The following LAMA5 variants were observed in gnomAD, a reference collection of about 807,000 sequenced individuals.
LAMA5 encodes laminin subunit alpha-5.
In LAMA5, 260 loss-of-function variants were observed where a neutral mutation model predicts 433.4. The observed-to-expected ratio is 0.60, with a 90% CI of 0.54 to 0.66. LAMA5 has a LOEUF of 0.66. LAMA5 is among the 30% of genes least tolerant of loss of function. The pLI is 0.00. For synonymous variants in LAMA5, 2,620 were observed against 2,226.6 expected (o/e 1.18, Z -4.97); for missense variants, 5,378 against 5,258.5 (o/e 1.02, Z -0.70).
intron 9 of LAMA5, 123 bp downstream of exon 9, chr20:62,346,383 C>T: frequency 2.9e-6 from 4 of 1,357,708 alleles, no homozygotes; most frequent in Non-Finnish European, 4.0e-6. Flanking sequence ...GCCTGGGAGG[C>T]TCCTTCCTGG....
chr20:62,324,916 C>T lies in LAMA5; in HGVS notation c.5530-362G>A. ...TCCTCATACAGAAGGAGCAAAGTTA[C>T]AGCAGACAGACAGATTAGCAGGGCA... On this transcript the variant is annotated intron_variant, in intron 41 of 79. Coordinates refer to ENST00000252999, the MANE Select transcript of LAMA5 (RefSeq NM_005560.6). The surrounding 1 kb of genome is among the most constrained non-coding windows in gnomAD (Gnocchi z 4.4). The T allele has an allele frequency of 2.6e-6, 1 of 381,198 alleles. No homozygotes were observed. The highest frequency in any genetic ancestry group is 4.9e-6 in the Non-Finnish European group (1 of 205,246). The allele number at this position is 381,198 out of a possible 1,614,324, so 23.6% of individuals were successfully genotyped here. A position where few individuals can be genotyped will look rare whatever the true frequency, so the allele number is the denominator to read the frequency against.
intron 1 of LAMA5, among the ~76,000 whole-genome samples, chr20:62,364,626 A>G (rs569752432): frequency 6.6e-6 from 1 of 152,286 alleles, no homozygotes; most frequent in Admixed American, 6.5e-5. Context: ...TCCCCTTCCA[A>G]TGAGTCACCA....
intron 77 of LAMA5, 24 bp from the exon 78 acceptor site, chr20:62,310,105 C>T: frequency 1.2e-6 from 2 of 1,610,156 alleles, no homozygotes; most frequent in East Asian, 2.2e-5. Context: ...AAGGGAGGGT[C>T]AGGCTATGCC....
At position 62,339,036 on chromosome 20, in the gene LAMA5, CA is replaced by C. The variant is rs547740017; in HGVS notation, c.1478-429del. On this transcript the variant is annotated intron_variant, in intron 11 of 79. Transcript: ENST00000252999. ...TGGGCGACAGGGTGAGACTCCGTCT[CA>C]AAAAAAAAAAAAAATTCCAACAAGG... Among the ~76,000 whole-genome samples, 726 of 125,360 alleles carry C rather than the reference CA, an allele frequency of 5.8e-3. 4 individuals are homozygous for C. The highest frequency in any genetic ancestry group is 0.023 in the African/African-American group (672 of 29,544). The allele number at this position is 125,360 out of a possible 152,430, so 82.2% of individuals were successfully genotyped here.
rs144409622 is a variant in LAMA5, at chr20:62,331,049, G to C, written c.3633C>G (p.Gly1211=). 6.2e-7 allele frequency: 1 copy of C among 1,600,820 alleles called. No homozygotes were observed. The highest frequency in any genetic ancestry group is 8.5e-7 in the Non-Finnish European group (1 of 1,174,134). ...GCCATTACCTGTTGGGGCCAAAGGC[G>C]CCGTGGCTGCTGATGCAGCTGACCC... ...EPRVSCISSH[G]AFGPNSAACL... The change falls in exon 29 of 80, where the codon GGC becomes GGG. Residue 1211 remains glycine, a synonymous_variant. Transcript: ENST00000252999.
intron 2 of LAMA5, among the ~76,000 whole-genome samples, chr20:62,354,952 A>C (rs531152990): frequency 1.6e-3 from 241 of 152,304 alleles, no homozygotes; most frequent in Non-Finnish European, 2.6e-3. Flanking sequence ...CTGTGCGAGG[A>C]GGCCCGGGTG....
chr20:62,325,520 G>C lies in LAMA5; in HGVS notation c.5325C>G (p.Arg1775=), dbSNP rs1979137655. ...TGAGCTCCTCGCGGGACACAGTGTTGCGCGTCTCCGTATGCCGGAAGTTCC... is the reference window on the plus strand; with the variant it reads ...TGAGCTCCTCGCGGGACACAGTGTTCCGCGTCTCCGTATGCCGGAAGTTCC... ...VEGNFRHTET[R]NTVSREELMM... Residue 1775 remains arginine, a synonymous_variant, in exon 41 of 80, where the codon CGC becomes CGG. Coordinates refer to ENST00000252999, the MANE Select transcript of LAMA5 (RefSeq NM_005560.6). 1.9e-6 allele frequency: 3 copies of C among 1,611,400 alleles called. No individual in the cohort carries two copies. The highest frequency in any genetic ancestry group is 2.5e-6 in the Non-Finnish European group (3 of 1,179,048).
intron 58 of LAMA5, 129 bp downstream of exon 58, chr20:62,315,819 C>G (rs1986878274): frequency 1.3e-5 from 9 of 701,140 alleles, no homozygotes; most frequent in African/African-American, 7.1e-5. Context: ...CTGTGTCTGG[C>G]CCCAGCTGCC....
Position 62,346,063 on chromosome 20 carries a change from C to T in LAMA5, c.1417+18G>A, listed in dbSNP as rs780416586. 5.0e-6 allele frequency: 8 copies of T among 1,612,544 alleles called. No individual in the cohort carries two copies. The highest frequency in any genetic ancestry group is 5.9e-6 in the Non-Finnish European group (7 of 1,179,736). On this transcript the variant is annotated intron_variant, in intron 10 of 79. Coordinates refer to ENST00000252999, the MANE Select transcript of LAMA5 (RefSeq NM_005560.6). ...GCAGGCAGTGGTGTCTGTTTGGATGCCCCTGGCAGGTGCTCACGGTAGCAG... is the reference window on the plus strand; with the variant it reads ...GCAGGCAGTGGTGTCTGTTTGGATGTCCCTGGCAGGTGCTCACGGTAGCAG...
At chr20:62,358,401 G>GT (rs1985563152) in intron 2 of LAMA5, among the ~76,000 whole-genome samples, 1 of 152,196 alleles carries the variant, frequency 6.6e-6, no homozygotes, top group Admixed American at 6.5e-5. Context: ...GCCGAGCTCT[G>GT]TAACTAGAGC....
intron 62 of LAMA5, 138 bp downstream of exon 62, chr20:62,314,166 G>C (rs1986671940): frequency 2.2e-5 from 25 of 1,149,212 alleles, no homozygotes; most frequent in Non-Finnish European, 2.7e-5. Context: ...GGGGTGGCGA[G>C]TGGGCACGGA....
rs1306633585 is a variant in LAMA5, at chr20:62,333,317, G to A, written c.3128+58C>T. On this transcript the variant is annotated intron_variant, in intron 25 of 79. Transcript: ENST00000252999. The stretch of plus-strand genomic sequence containing the variant: ...GAGACAGCCTGAGTGGGGGAAGCCA[G>A]GCACAGTGGGGGTCCAGGAAGCCCC... The A allele has an allele frequency of 2.5e-6, 4 of 1,601,344 alleles. No homozygotes were observed. The East Asian group carries it at 8.9e-5, about 36-fold the overall frequency.
intron 48 of LAMA5, 62 bp downstream of exon 48, chr20:62,321,957 G>A (rs926878275): frequency 1.3e-4 from 195 of 1,509,280 alleles, no homozygotes; most frequent in Non-Finnish European, 1.6e-4. Flanking sequence ...GGGTCACCAG[G>A]CTGTGTGGGA....
Position 62,333,239 on chromosome 20 carries a change from G to A in LAMA5, c.3133C>T (p.Leu1045Phe). The A allele has an allele frequency of 6.5e-7, 1 of 1,545,990 alleles. No individual in the cohort carries two copies. Among genetic ancestry groups the A allele is most frequent in the Non-Finnish European group, 8.7e-7 (1 of 1,143,550 alleles). ...PSAQQSGDNC[L>F]LYTHLPLDGF... Reference sequence around the variant, plus strand: ...TCCAGGGGGAGGTGTGTGTAGAGGAGGCAGCTGGGGGGACACAGGCCGTGG... The same window carrying A: ...TCCAGGGGGAGGTGTGTGTAGAGGAAGCAGCTGGGGGGACACAGGCCGTGG... Residue 1045 changes from leucine (L) to phenylalanine (F), a missense_variant, in exon 26 of 80, where the codon CTC becomes TTC. Physicochemically the swap from Leu to Phe is conservative, Grantham distance 22 (BLOSUM62 0). Transcript: ENST00000252999.
At chr20:62,311,348 G>A in intron 72 of LAMA5, 41 bp from the exon 73 acceptor site, 2 of 1,523,000 alleles carry the variant, frequency 1.3e-6, no homozygotes, top group Non-Finnish European at 1.8e-6. Flanking sequence ...GCCCACACAG[G>A]GGCCACCCTT....
At chr20:62,342,586 G>T (rs1329031209) in intron 11 of LAMA5, among the ~76,000 whole-genome samples, 2 of 152,114 alleles carry the variant, frequency 1.3e-5, no homozygotes, top group Non-Finnish European at 2.9e-5. Flanking sequence ...GGCTGAGGCA[G>T]GAGAATGGCG....
chr20:62,344,744 C>G (rs6142737), intron 11 of LAMA5, among the ~76,000 whole-genome samples: 35,753 of 151,540 alleles, frequency 0.24, 4,423 homozygotes, highest in African/African-American at 0.3. Flanking sequence ...CCACTGTGCC[C>G]GGCCAGTTTT....
intron 47 of LAMA5, 21 bp downstream of exon 47, chr20:62,322,246 TCC>T: frequency 6.4e-7 from 1 of 1,571,746 alleles, no homozygotes; most frequent in East Asian, 2.3e-5. Context: ...CCATCCGCCC[TCC>T]TGTGACCGGC....
chr20:62,316,207 G>A (rs1986912939), intron 57 of LAMA5, 149 bp from the exon 58 acceptor site: 2 of 629,088 alleles, frequency 3.2e-6, no homozygotes, highest in Middle Eastern at 2.7e-4. Context: ...CCCTTAGCCT[G>A]TGGGGAGGTG....
Sources: allele counts gnomAD v4.1 joint callset (sites outside exome capture counted in the v4.1 genomes callset), GRCh38; gene constraint gnomAD v4.1.1; non-coding constraint Gnocchi (gnomAD v3.1); transcripts MANE v1.5; gene names NCBI Gene and HGNC (gene_info 2026-07-23, HGNC 2026-07-21).